Variants in ADAMTS9 observed in about 807,000 individuals in gnomAD.
The protein encoded by ADAMTS9 is ADAM metallopeptidase with thrombospondin type 1 motif 9.
ADAMTS9 carries 107 observed loss-of-function variants against 257.1 expected under a neutral mutation model. The ratio of observed to expected loss-of-function variants is 0.42; its 90% CI spans 0.36 to 0.49. The LOEUF (loss-of-function observed/expected upper bound fraction) is 0.49. Ranked by LOEUF, ADAMTS9 falls within the 20% of genes least tolerant of loss-of-function variation. ADAMTS9 has a pLI of 0.03. For synonymous variants in ADAMTS9, 982 were observed against 880.9 expected (o/e 1.11, Z -2.03); for missense variants, 2,353 against 2,469.1 (o/e 0.95, Z 1.00).
intron 30 of ADAMTS9, among the ~76,000 whole-genome samples, chr3:64,556,675 A>C (rs1400959196): frequency 1.3e-5 from 2 of 152,108 alleles, no homozygotes; most frequent in Non-Finnish European, 2.9e-5. Context: ...AGAGTGAAAG[A>C]TGAAAGTCCA....
chr3:64,523,439 T>A (rs1417705437), intron 38 of ADAMTS9, among the ~76,000 whole-genome samples: 1 of 152,156 alleles, frequency 6.6e-6, no homozygotes, highest in Non-Finnish European at 1.5e-5. Context: ...GAATAGTTTA[T>A]GGAACAAGTA....
intron 11 of ADAMTS9, among the ~76,000 whole-genome samples, chr3:64,645,147 C>T (rs1461931659): frequency 6.6e-6 from 1 of 152,186 alleles, no homozygotes; most frequent in African/African-American, 2.4e-5. Flanking sequence ...TACATTATAA[C>T]AAAACATTAA....
chr3:64,648,135 C>G, intron 10 of ADAMTS9, 91 bp from the exon 11 acceptor site: 1 of 1,145,446 alleles, frequency 8.7e-7, no homozygotes, highest in South Asian at 1.4e-5. Flanking sequence ...TAATGTTTCA[C>G]CAATGACATA....
At chr3:64,614,209 T>TAC (rs1418902111) in intron 21 of ADAMTS9, among the ~76,000 whole-genome samples, 1 of 152,248 alleles carries the variant, frequency 6.6e-6, no homozygotes, top group Admixed American at 6.5e-5. Flanking sequence ...AAAGGTTTGT[T>TAC]ACTTAGTTTG....
intron 23 of ADAMTS9, among the ~76,000 whole-genome samples, chr3:64,604,769 G>T (rs1229542350): frequency 6.6e-6 from 1 of 152,100 alleles, no homozygotes; most frequent in East Asian, 1.9e-4. Context: ...TTCCCTGTTT[G>T]CCCAAAGATA....
At chr3:64,615,896 A>C (rs2084752982) in intron 20 of ADAMTS9, 64 bp downstream of exon 20, 4 of 1,591,324 alleles carry the variant, frequency 2.5e-6, no homozygotes, top group African/African-American at 2.7e-5. Context: ...ACACACCTGC[A>C]AGGAGCCACC....
At chr3:64,537,081 G>A (rs1409258385) in intron 37 of ADAMTS9, among the ~76,000 whole-genome samples, 1 of 152,182 alleles carries the variant, frequency 6.6e-6, no homozygotes, top group Non-Finnish European at 1.5e-5. Context: ...TTGCATCAGT[G>A]TAGCTGGTGC....
In ADAMTS9 at chr3:64,650,021, C is replaced by T. The variant is rs1700892746; in HGVS notation, c.1464-243G>A. 8 of 423,466 alleles carry T rather than the reference C, an allele frequency of 1.9e-5. No homozygotes were observed. In the East Asian group the frequency reaches 2.8e-4, roughly 15 times the overall value. 26.2% of individuals were successfully genotyped at this position (423,466 alleles called of 1,614,324 possible). On this transcript the variant is annotated intron_variant, in intron 9 of 39. Coordinates refer to ENST00000498707, the MANE Select transcript of ADAMTS9 (RefSeq NM_182920.2). ...AGTAGGAAATATACACCTGTTACAA[C>T]GTTGATCACACTTCACAGCAATTAT...
intron 22 of ADAMTS9, among the ~76,000 whole-genome samples, chr3:64,608,823 A>C (rs80094056): frequency 6.6e-6 from 1 of 151,560 alleles, no homozygotes; most frequent in Admixed American, 6.6e-5. Context: ...AGCCGAAGAC[A>C]ACACACACAC....
chr3:64,631,533 G>T lies in ADAMTS9; in HGVS notation c.2311C>A (p.Arg771=), dbSNP rs1428314527. 1.4e-5 allele frequency: 23 copies of T among 1,613,818 alleles called. No homozygotes were observed. In the Admixed American group the frequency reaches 3.7e-4, roughly 26 times the overall value. Residue 771 remains arginine (R), a synonymous_variant, in exon 16 of 40, where the codon CGA becomes AGA. Coordinates refer to ENST00000498707, the MANE Select transcript of ADAMTS9 (RefSeq NM_182920.2). ...ATATTGGTAGCACCAGCTGGAATTCGGACCACAGTATTGTAACCTGAAAAG... is the reference window on the plus strand; with the variant it reads ...ATATTGGTAGCACCAGCTGGAATTCTGACCACAGTATTGTAACCTGAAAAG... ...TVHYGYNTVV[R]IPAGATNIDV...
chr3:64,551,178 G>C, intron 30 of ADAMTS9, 116 bp from the exon 31 acceptor site: 2 of 1,189,958 alleles, frequency 1.7e-6, no homozygotes, highest in African/African-American at 3.1e-5. Flanking sequence ...TGAGGGCAGG[G>C]ATTGCCAGAG....
chr3:64,617,963 G>A (rs1186937870), intron 19 of ADAMTS9, among the ~76,000 whole-genome samples: 1 of 152,058 alleles, frequency 6.6e-6, no homozygotes, highest in Non-Finnish European at 1.5e-5. Context: ...TATAAATCAT[G>A]GTTATATTGA....
chr3:64,542,430 C>CTTTTTTTTTTTTTTTTT (rs56812239), intron 32 of ADAMTS9, among the ~76,000 whole-genome samples: 1 of 124,564 alleles, frequency 8.0e-6, no homozygotes, highest in African/African-American at 3.0e-5. Context: ...TTCTTTCTTT[C>CTTTTTTTTTTTTTTTTT]TTTTTTTTTT....
intron 3 of ADAMTS9, among the ~76,000 whole-genome samples, chr3:64,663,908 C>G (rs9864895): frequency 0.03 from 4,495 of 152,164 alleles, 120 homozygotes; most frequent in East Asian, 0.12. Context: ...TTTTAGCAAG[C>G]AACTTTGAAT....
At chr3:64,600,174 T>A (rs1310323948) in intron 26 of ADAMTS9, among the ~76,000 whole-genome samples, 1 of 151,496 alleles carries the variant, frequency 6.6e-6, no homozygotes. Flanking sequence ...TGATTCCCAT[T>A]CCCCAGTGTT....
At chr3:64,643,821 G>C (rs1409287041) in intron 11 of ADAMTS9, among the ~76,000 whole-genome samples, 1 of 151,550 alleles carries the variant, frequency 6.6e-6, no homozygotes, top group Admixed American at 6.6e-5. Context: ...CAAATCCTGG[G>C]ATGTATTTTA....
rs537860987 is a variant in ADAMTS9 at position 64,516,027 on chromosome 3, C to T, written c.*1100G>A. On this transcript the variant is annotated 3_prime_UTR_variant, in exon 40 of 40. Transcript: ENST00000498707. ...TTCACACAAACGTCCATTACTGCAG[C>T]GGGCATGAAAACCGGCAGGGTGTTA... 4.8e-4 allele frequency: 73 copies of T among 152,282 alleles called. 1 individual carries two copies. The highest frequency in any genetic ancestry group is 1.6e-3 in the African/African-American group (66 of 41,566). 9.4% of individuals were successfully genotyped at this position (152,282 alleles called of 1,614,324 possible).
Position 64,686,868 on chromosome 3 carries a change from C to G in ADAMTS9, c.216G>C (p.Thr72=), listed in dbSNP as rs1466355795. 2 of 1,614,142 alleles carry G rather than the reference C, an allele frequency of 1.2e-6. No homozygotes were observed. Among genetic ancestry groups the G allele is most frequent in the South Asian group, 1.1e-5 (1 of 91,082 alleles). ...PFPTNVHFKR[T]RRSINSATDP... The stretch of plus-strand genomic sequence containing the variant: ...CAGTGGCAGAGTTAATGCTCCGTCG[C>G]GTTCTTTTGAAGTGGACGTTCGTGG... Residue 72 remains threonine, a synonymous_variant, in exon 2 of 40, where the codon ACG becomes ACC. Transcript: ENST00000498707. The surrounding 1 kb of genome is among the most constrained non-coding windows in gnomAD (Gnocchi z 4.6).
At chr3:64,603,126 CT>C (rs2084495754) in intron 25 of ADAMTS9, among the ~76,000 whole-genome samples, 2 of 152,152 alleles carry the variant, frequency 1.3e-5, no homozygotes, top group Admixed American at 1.3e-4. Context: ...CACAACAGCC[CT>C]GTAAAGTAGT....
Sources: allele counts gnomAD v4.1 joint callset (sites outside exome capture counted in the v4.1 genomes callset), GRCh38; gene constraint gnomAD v4.1.1; non-coding constraint Gnocchi (gnomAD v3.1); transcripts MANE v1.5; gene names NCBI Gene and HGNC (gene_info 2026-07-23, HGNC 2026-07-21).